The following SECISBP2 variants were observed in gnomAD, a reference collection of about 807,000 sequenced individuals.
SECISBP2 encodes selenocysteine insertion sequence-binding protein 2.
SECISBP2 carries 96 observed loss-of-function variants against 98.2 expected under a neutral mutation model. That is an observed-to-expected ratio of 0.98 (90% CI 0.83 to 1.16). The LOEUF (loss-of-function observed/expected upper bound fraction) is 1.16. Ranked by LOEUF, SECISBP2 falls within the 50% of genes most tolerant of loss-of-function variation. SECISBP2 has a pLI of 0.00. For missense variants in SECISBP2, 1,046 were observed against 1,022.9 expected, an observed-to-expected ratio of 1.02 and a Z score of -0.31; for synonymous variants, 407 against 370.2, an observed-to-expected ratio of 1.10 and a Z score of -1.14.
rs1422449885 is a variant in SECISBP2 at position 89,346,516 on chromosome 9, A to G, written c.1436-366A>G. Among the ~76,000 whole-genome samples the G allele has an allele frequency of 2.6e-5, 4 of 152,210 alleles. No homozygotes were observed. In the East Asian group the frequency reaches 7.7e-4, roughly 29 times the overall value. ...TGGTGGAGAGGGACGTGTTCACAGT[A>G]GCAGCAGTGAGTGCAGACCACCTAG... On this transcript the variant is annotated intron_variant, in intron 10 of 16. Coordinates refer to ENST00000375807, the MANE Select transcript of SECISBP2 (RefSeq NM_024077.5).
intron 6 of SECISBP2, 114 bp downstream of exon 6, chr9:89,333,100 G>GA: frequency 1.2e-6 from 1 of 859,208 alleles, no homozygotes; most frequent in Non-Finnish European, 1.9e-6. Flanking sequence ...GACAGCTAAT[G>GA]AATTGTGGGT....
intron 5 of SECISBP2, among the ~76,000 whole-genome samples, chr9:89,331,691 T>C (rs1433116747): frequency 6.6e-6 from 1 of 152,200 alleles, no homozygotes; most frequent in Non-Finnish European, 1.5e-5. Flanking sequence ...TTTGTAGACA[T>C]TTTGATGGAC....
intron 2 of SECISBP2, 76 bp downstream of exon 2, chr9:89,319,873 G>T (rs1351514666): frequency 7.0e-7 from 1 of 1,419,714 alleles, no homozygotes; most frequent in African/African-American, 1.4e-5. Flanking sequence ...CAAATACTCA[G>T]CAGTTACTGC....
chr9:89,347,150 A>G (rs1459438918), intron 11 of SECISBP2, 102 bp downstream of exon 11: 48 of 1,189,524 alleles, frequency 4.0e-5, no homozygotes, highest in Non-Finnish European at 5.6e-5. Context: ...TACGACTTGT[A>G]TTACTTGAAT....
Position 89,338,475 on chromosome 9 carries a change from T to C in SECISBP2, c.1107T>C (p.Gly369=), listed in dbSNP as rs775456831. The C allele has an allele frequency of 2.5e-6, 4 of 1,613,436 alleles. No homozygotes were observed. Among genetic ancestry groups the C allele is most frequent in the East Asian group, 4.5e-5 (2 of 44,848 alleles). Reference sequence around the variant, plus strand: ...TGTTCTAGTCTAAAGCATCACAAGGTAGTGACCTTGAACAAAATGAAGCCT... The same window carrying C: ...TGTTCTAGTCTAAAGCATCACAAGGCAGTGACCTTGAACAAAATGAAGCCT... ...HPTQKSKASQ[G]SDLEQNEASR... is the part of the protein sequence containing the mutation. Residue 369 remains glycine (G), a synonymous_variant, in exon 8 of 17, where the codon GGT becomes GGC. Coordinates refer to ENST00000375807, the MANE Select transcript of SECISBP2 (RefSeq NM_024077.5).
intron 4 of SECISBP2, 111 bp downstream of exon 4, chr9:89,326,149 A>G: frequency 7.5e-7 from 1 of 1,329,908 alleles, no homozygotes; most frequent in Non-Finnish European, 1.1e-6. Context: ...GACTACTCCA[A>G]GAAATGAGAC....
chr9:89,349,580 T>C (rs918687453), intron 12 of SECISBP2, among the ~76,000 whole-genome samples, 196 bp from the exon 13 acceptor site: 10 of 152,236 alleles, frequency 6.6e-5, no homozygotes, highest in African/African-American at 2.4e-4. Context: ...CATGACTGCC[T>C]CCACCAGCTT....
intron 14 of SECISBP2, 59 bp from the exon 15 acceptor site, chr9:89,357,352 A>G: frequency 6.2e-7 from 1 of 1,601,766 alleles, no homozygotes. Flanking sequence ...TGCAACCAGT[A>G]TTAACACCAC....
chr9:89,332,623 G>A (rs778440460), intron 5 of SECISBP2: 1 of 449,504 alleles, frequency 2.2e-6, no homozygotes, highest in Non-Finnish European at 4.0e-6. Flanking sequence ...GAGTAAAGCT[G>A]CTATAAACAT....
downstream of SECISBP2, chr9:89,360,669 C>T (rs1402627020): frequency 2.0e-5 from 3 of 152,192 alleles, no homozygotes; most frequent in East Asian, 5.8e-4. Context: ...ATTTTCTTGG[C>T]AGTGAAGGAC....
chr9:89,348,324 G>C lies in SECISBP2; in HGVS notation c.1738+110G>C, dbSNP rs558354381. 1.4e-5 allele frequency: 17 copies of C among 1,257,488 alleles called. No individual in the cohort carries two copies. The East Asian group carries it at 3.9e-4, about 29-fold the overall frequency. The allele number at this position is 1,257,488 out of a possible 1,614,324, so 77.9% of individuals were successfully genotyped here. ...GACTTGGCTGACTCCTCTTCCTTTT[G>C]TGGTGAAAGTGGGTCAGCATTGAGC... On this transcript the variant is annotated intron_variant, in intron 12 of 16. Coordinates refer to ENST00000375807, the MANE Select transcript of SECISBP2 (RefSeq NM_024077.5).
chr9:89,333,942 T>C (rs983426881), intron 6 of SECISBP2: 43 of 827,864 alleles, frequency 5.2e-5, no homozygotes, highest in Non-Finnish European at 6.0e-5. Context: ...CAGTCTGTTT[T>C]ACCCTTGGGG....
At chr9:89,363,145 C>G (rs192740047), downstream of SECISBP2, among the ~76,000 whole-genome samples, 4 of 152,178 alleles carry the variant, frequency 2.6e-5, no homozygotes, top group Non-Finnish European at 5.9e-5. Flanking sequence ...TCGTGGGGGC[C>G]CATCTAACTA....
chr9:89,328,562 C>T, intron 4 of SECISBP2, 98 bp from the exon 5 acceptor site: 1 of 859,472 alleles, frequency 1.2e-6, no homozygotes, highest in Admixed American at 1.9e-5. Flanking sequence ...CCTGTTGCAT[C>T]AATAGCAATA....
chr9:89,341,573 A>G, intron 10 of SECISBP2, 94 bp downstream of exon 10: 1 of 1,456,318 alleles, frequency 6.9e-7, no homozygotes, highest in East Asian at 2.3e-5. Context: ...AAAGTTATTT[A>G]TAGATAAAAC....
intron 8 of SECISBP2, 62 bp from the exon 9 acceptor site, chr9:89,339,802 A>AAAGGT (rs1339358475): frequency 3.5e-6 from 4 of 1,144,500 alleles, no homozygotes; most frequent in Non-Finnish European, 5.3e-6. Context: ...TAAGCAAGGA[A>AAAGGT]AAGGTTGCAC....
At chr9:89,336,108 T>TTTTTTC (rs1554720204) in intron 7 of SECISBP2, among the ~76,000 whole-genome samples, 2 of 133,650 alleles carry the variant, frequency 1.5e-5, no homozygotes, top group East Asian at 2.6e-4. Context: ...TTTTTTTTTT[T>TTTTTTC]CACTGCAGCT....
At chr9:89,352,989 ATGTCCTCTGTGTCCTAGT>A (rs138724450) in intron 14 of SECISBP2, among the ~76,000 whole-genome samples, 7,060 of 152,010 alleles carry the variant, frequency 0.046, 526 homozygotes, top group African/African-American at 0.16. Context: ...TTTTCCACAG[ATGTCCTCTGTGTCCTAGT>A]TGTCTGCGCC....
chr9:89,363,410 G>A, downstream of SECISBP2: 16 of 1,607,252 alleles, frequency 1.0e-5, no homozygotes, highest in Non-Finnish European at 1.4e-5. Flanking sequence ...TCCTTTCTTT[G>A]CCCGGCTGCG....
Sources: gnomAD v4.1 joint callset for allele counts (sites outside exome capture counted in the v4.1 genomes callset) on GRCh38, gnomAD v4.1.1 for gene constraint, MANE v1.5 for transcripts, NCBI Gene and HGNC (gene_info 2026-07-23, HGNC 2026-07-21) for gene names.